Variants in POSTN observed in about 807,000 individuals in gnomAD.
The protein encoded by POSTN is osteoblast specific factor 2 (fasciclin I-like).
A neutral mutation model predicts 104.5 loss-of-function variants in POSTN; 71 were observed. The observed-to-expected ratio is 0.68, with a 90% CI of 0.56 to 0.83. The LOEUF is 0.83. POSTN is among the 40% of genes least tolerant of loss of function. POSTN has a pLI of 0.00. For synonymous variants in POSTN, 355 were observed against 340.7 expected (o/e 1.04, Z -0.46); for missense variants, 949 against 1,006.8 (o/e 0.94, Z 0.78).
chr13:37,584,240 C>T (rs1163968834), intron 8 of POSTN, 137 bp from the exon 9 acceptor site: 3 of 1,069,144 alleles, frequency 2.8e-6, no homozygotes, highest in Non-Finnish European at 4.0e-6. Context: ...AGACATCCTC[C>T]TCCTCCCTAA....
rs942612566 is a variant in POSTN, at chr13:37,586,888, T to C, written c.647A>G (p.Gln216Arg). Reference protein sequence around the residue: ...VNCARIIHGNQIATNGVVHVI... With the variant: ...VNCARIIHGNRIATNGVVHVI... ...ATGGACAACACCATTTGTTGCAATC[T>C]GGTTCCCATGGATGATTCGAGCACA... is the stretch of plus-strand genomic sequence containing the variant. Residue 216 changes from glutamine to arginine, a missense_variant, in exon 6 of 23, where the codon CAG becomes CGG. Coordinates refer to ENST00000379747, the MANE Select transcript of POSTN (RefSeq NM_006475.3). The C allele has an allele frequency of 6.2e-7, 1 of 1,613,574 alleles. No individual in the cohort carries two copies. Among genetic ancestry groups the C allele is most frequent in the Non-Finnish European group, 8.5e-7 (1 of 1,179,630 alleles).
rs370874501 is a variant in POSTN at position 37,583,010 on chromosome 13, T to G, written c.1244-496A>C. Among the ~76,000 whole-genome samples the G allele has an allele frequency of 3.9e-5, 6 of 152,184 alleles. No homozygotes were observed. The East Asian group carries it at 1.2e-3, about 29-fold the overall frequency. On this transcript the variant is annotated intron_variant, in intron 9 of 22. Transcript: ENST00000379747. ...AAGTCAGGATATCTAGGAATTCAATTTTTTTGATTAATAGTTTTTATATCA... is the reference window on the plus strand; with the variant it reads ...AAGTCAGGATATCTAGGAATTCAATGTTTTTGATTAATAGTTTTTATATCA...
chr13:37,582,546 T>C, intron 9 of POSTN, 32 bp from the exon 10 acceptor site: 4 of 1,553,812 alleles, frequency 2.6e-6, no homozygotes, highest in Non-Finnish European at 3.5e-6. Flanking sequence ...AAGAGCATTA[T>C]TTTATTTAGA....
chr13:37,572,429 G>A (rs1178736355), intron 17 of POSTN, among the ~76,000 whole-genome samples: 2 of 151,672 alleles, frequency 1.3e-5, no homozygotes, highest in East Asian at 3.9e-4. Flanking sequence ...ATAAGGCCAA[G>A]GGATATTGAG....
Position 37,578,872 on chromosome 13 carries a change from T to C in POSTN, c.1934A>G (p.Asn645Ser). The change falls in exon 15 of 23, where the codon AAT (asparagine) becomes AGT (serine). Residue 645 changes from asparagine to serine, a missense_variant. By Grantham distance (46) the Asn-to-Ser change is conservative. Coordinates refer to ENST00000379747, the MANE Select transcript of POSTN (RefSeq NM_006475.3). ...VGNDQLLEILNKLIKYIQIKF... is the reference protein window; with the variant it reads ...VGNDQLLEILSKLIKYIQIKF... ...AATTTGGATGTATTTGATTAATTTA[T>C]TAAGTATTTCCAGCAGTTGATCATT... 1 of 1,589,882 alleles carries C rather than the reference T, an allele frequency of 6.3e-7. No individual in the cohort carries two copies. The highest frequency in any genetic ancestry group is 1.2e-5 in the South Asian group (1 of 84,976).
chr13:37,586,781 C>T lies in POSTN; in HGVS notation c.753+1G>A. ...TCAAGACAATCTGCTCTTGGACTTA[C>T]TCTAAAAGATGAAAGGTCATCTTCT... On this transcript the variant is annotated splice_donor_variant, in intron 6 of 22. Coordinates refer to ENST00000379747, the MANE Select transcript of POSTN (RefSeq NM_006475.3). LOFTEE classifies it high-confidence loss of function. The T allele has an allele frequency of 6.2e-7, 1 of 1,611,376 alleles. No homozygotes were observed. Among genetic ancestry groups the T allele is most frequent in the Middle Eastern group, 1.7e-4 (1 of 6,044 alleles).
intron 21 of POSTN, chr13:37,565,477 A>G (rs989166053): frequency 1.3e-5 from 2 of 152,030 alleles, no homozygotes; most frequent in African/African-American, 4.8e-5. Context: ...TTTTTCTATT[A>G]TATACATGTT....
chr13:37,580,488 T>C, intron 11 of POSTN, 73 bp downstream of exon 11: 2 of 1,530,206 alleles, frequency 1.3e-6, no homozygotes, highest in Non-Finnish European at 9.0e-7. Context: ...GAATGCCTTT[T>C]GGGATACCGC....
At position 37,598,605 on chromosome 13, in the gene POSTN, T is replaced by G; in HGVS notation, c.119+3A>C. The G allele has an allele frequency of 6.2e-7, 1 of 1,606,904 alleles. No individual in the cohort carries two copies. The highest frequency in any genetic ancestry group is 8.5e-7 in the Non-Finnish European group (1 of 1,175,238). On this transcript the variant is annotated splice_donor_region_variant and intron_variant, in intron 1 of 22. Transcript: ENST00000379747. ...GGTTTATAAAACCAAACCACTCACT[T>G]ACCCTTGGTCCCGACCCCTGATACG...
In POSTN at chr13:37,580,590, A is replaced by G. The variant is rs747605610; in HGVS notation, c.1500T>C (p.His500=). 5 of 1,613,922 alleles carry G rather than the reference A, an allele frequency of 3.1e-6. No individual in the cohort carries two copies. In the African/African-American group the frequency reaches 5.3e-5, roughly 17 times the overall value. ...AGCGCTTATCTTGTTTTAACTTTTC[A>G]TGGAGGGATTTCTCTGCTGGCTTGA... ...EIIKPAEKSL[H]EKLKQDKRFS... The change falls in exon 11 of 23, where the codon CAT becomes CAC. Residue 500 remains histidine (H), a synonymous_variant. Coordinates refer to ENST00000379747, the MANE Select transcript of POSTN (RefSeq NM_006475.3).
At chr13:37,567,339 A>G (rs1287914624) in intron 21 of POSTN, among the ~76,000 whole-genome samples, 1 of 151,456 alleles carries the variant, frequency 6.6e-6, no homozygotes, top group Admixed American at 6.6e-5. Flanking sequence ...GTTGAAGAGC[A>G]TGGTTCAGAT....
chr13:37,577,658 C>T (rs1039468508), intron 16 of POSTN, 95 bp downstream of exon 16: 10 of 1,466,698 alleles, frequency 6.8e-6, no homozygotes, highest in Admixed American at 6.8e-5. Context: ...TTCTAAATAC[C>T]AGATTATCAA....
intron 2 of POSTN, 92 bp downstream of exon 2, chr13:37,597,092 C>T: frequency 1.3e-6 from 1 of 776,728 alleles, no homozygotes; most frequent in Non-Finnish European, 1.9e-6. Context: ...TCAGTATTTT[C>T]AAGAAGAATG....
At position 37,587,079 on chromosome 13, in the gene POSTN, A is replaced by G. The variant is rs935006635; in HGVS notation, c.607-151T>C. The G allele has an allele frequency of 1.2e-5, 8 of 683,934 alleles. No homozygotes were observed. The African/African-American group carries it at 1.5e-4, about 13-fold the overall frequency. The allele number at this position is 683,934 out of a possible 1,614,324, so 42.4% of individuals were successfully genotyped here. ...ATGTAAACGCTGTGGATGAAGATTT[A>G]CATGTTGTTATATCTAAAAAAGAAA... On this transcript the variant is annotated intron_variant, in intron 5 of 22. Transcript: ENST00000379747.
intron 15 of POSTN, 30 bp downstream of exon 15, chr13:37,578,814 A>AAG: frequency 2.0e-6 from 3 of 1,490,982 alleles, no homozygotes; most frequent in Admixed American, 2.4e-5. Context: ...AAAAAAAAAA[A>AAG]AAAGAAATAA....
At chr13:37,569,854 A>G (rs377251655) in intron 19 of POSTN, 33 bp from the exon 20 acceptor site, 101 of 1,427,272 alleles carry the variant, frequency 7.1e-5, no homozygotes, top group Non-Finnish European at 8.8e-5. Context: ...GGTCTAAAAC[A>G]GAAGTAGGCA....
At chr13:37,564,772 A>G (rs1950042726) in intron 21 of POSTN, 1 of 378,190 alleles carries the variant, frequency 2.6e-6, no homozygotes, top group Admixed American at 4.6e-5. Context: ...ATCATAATGA[A>G]TGTTTCTTAG....
rs1244395646 is a variant in POSTN at position 37,598,675 on chromosome 13, G to A, written c.52C>T (p.Pro18Ser). The change falls in exon 1 of 23, where the codon CCT (proline) becomes TCT (serine). Residue 18 changes from proline to serine, a missense_variant. Physicochemically the swap from Pro to Ser is moderately conservative, Grantham distance 74. Coordinates refer to ENST00000379747, the MANE Select transcript of POSTN (RefSeq NM_006475.3). ...TCATAATGATTGTTGGCGTTTATAG[G>A]GTTAACAATAAGCAGCAATAGTAGA... ...FSLLLLLIVN[P>S]INANNHYDKI... 1.9e-6 allele frequency: 3 copies of A among 1,613,358 alleles called. No individual in the cohort carries two copies. The highest frequency in any genetic ancestry group is 4.5e-5 in the East Asian group (2 of 44,844).
intron 21 of POSTN, chr13:37,568,724 C>A (rs1950181696): frequency 6.6e-6 from 1 of 151,302 alleles, no homozygotes. Context: ...ATGCCACAGA[C>A]AGAGAACATT....
Sources: allele counts gnomAD v4.1 joint callset (sites outside exome capture counted in the v4.1 genomes callset), GRCh38; gene constraint gnomAD v4.1.1; transcripts MANE v1.5; gene names NCBI Gene and HGNC (gene_info 2026-07-23, HGNC 2026-07-21).